Variants in ESR1 observed in about 807,000 individuals in gnomAD.
The protein encoded by ESR1 is estrogen receptor 1.
Under a neutral mutation model 52.7 loss-of-function variants are expected in ESR1, and 12 were observed. The observed-to-expected ratio is 0.23, with a 90% confidence interval of 0.15 to 0.37. The LOEUF (loss-of-function observed/expected upper bound fraction) is 0.37, where lower values mean the gene tolerates loss of function less well. Among genes scored for constraint, ESR1 ranks in the 10% least tolerant of loss-of-function variants. The pLI, the probability that ESR1 is intolerant of heterozygous loss-of-function variation, is 1.00. For synonymous variants in ESR1, 305 were observed against 316.8 expected (o/e 0.96, Z 0.39); for missense variants, 584 against 779.7 (o/e 0.75, Z 2.99).
At chr6:151,877,991 T>C (rs542601304) in intron 2 of ESR1, among the ~76,000 whole-genome samples, 1 of 152,056 alleles carries the variant, frequency 6.6e-6, no homozygotes, top group South Asian at 2.1e-4. Context: ...TAATTTTTTT[T>C]TTTTGTAGAG....
chr6:151,851,932 A>G (rs982004187), intron 2 of ESR1, among the ~76,000 whole-genome samples: 3 of 152,228 alleles, frequency 2.0e-5, no homozygotes, highest in Admixed American at 6.5e-5. Context: ...ATATTCAACT[A>G]GCTTAGATGT....
intron 2 of ESR1, among the ~76,000 whole-genome samples, chr6:151,738,520 A>G (rs1243432102): frequency 6.6e-6 from 1 of 152,104 alleles, no homozygotes; most frequent in African/African-American, 2.4e-5. Context: ...ACCCTCACCA[A>G]TGCTCGCTAT....
rs576628956 is a variant in ESR1 at position 151,964,750 on chromosome 6, T to A, written c.1096+20242T>A. On this transcript the variant is annotated intron_variant, in intron 4 of 7. Transcript: ENST00000206249. ...TCTGCCTCCTGGGTTCACACCATTC[T>A]CCTACCTCAGCCTCCCGTGTAGCTG... Among the ~76,000 whole-genome samples, 3 of 151,934 alleles carry A rather than the reference T, an allele frequency of 2.0e-5. No homozygotes were observed. In the South Asian group the frequency reaches 6.2e-4, roughly 32 times the overall value.
intron 4 of ESR1, among the ~76,000 whole-genome samples, chr6:151,956,018 C>G (rs1381641846): frequency 1.3e-5 from 2 of 152,132 alleles, no homozygotes; most frequent in Non-Finnish European, 2.9e-5. Flanking sequence ...ATAATGGTCT[C>G]CAATTCCATC....
chr6:151,907,105 G>T (rs917204380), intron 3 of ESR1, among the ~76,000 whole-genome samples: 10 of 151,714 alleles, frequency 6.6e-5, no homozygotes, highest in Non-Finnish European at 1.5e-4. Context: ...TTCTTTATTT[G>T]TCTATGTCTA....
At chr6:152,092,361 T>G (rs2050253660) in intron 6 of ESR1, among the ~76,000 whole-genome samples, 1 of 152,242 alleles carries the variant, frequency 6.6e-6, no homozygotes, top group African/African-American at 2.4e-5. Context: ...GTTGTTATTG[T>G]TACGTTAGTT....
intron 1 of ESR1, among the ~76,000 whole-genome samples, chr6:151,825,741 G>A (rs867442731): frequency 2.6e-5 from 4 of 151,768 alleles, no homozygotes; most frequent in East Asian, 1.9e-4. Context: ...GAGAAACCTC[G>A]TCTCTACCAA....
intron 6 of ESR1, among the ~76,000 whole-genome samples, chr6:152,092,126 G>A (rs746252175): frequency 7.2e-5 from 11 of 152,182 alleles, no homozygotes; most frequent in Non-Finnish European, 1.3e-4. Flanking sequence ...CCAACACCAC[G>A]GCCATGGGAG....
intron 6 of ESR1, among the ~76,000 whole-genome samples, chr6:152,064,715 A>G (rs1021844113): frequency 1.3e-5 from 2 of 151,940 alleles, no homozygotes; most frequent in Admixed American, 6.6e-5. Context: ...AACTATTTGT[A>G]TTTTTTTGGA....
chr6:151,911,080 G>C (rs539028977), intron 3 of ESR1, among the ~76,000 whole-genome samples: 1 of 152,296 alleles, frequency 6.6e-6, no homozygotes, highest in African/African-American at 2.4e-5. Flanking sequence ...AGTAATGCTC[G>C]CTCACTGCTC....
At chr6:151,656,926 G>A (rs184480609) in intron 1 of ESR1, among the ~76,000 whole-genome samples, 9 of 152,300 alleles carry the variant, frequency 5.9e-5, no homozygotes, top group Non-Finnish European at 8.8e-5. Context: ...AGACAAGGCT[G>A]TGGGATATAT....
chr6:151,843,200 C>T (rs564704562), intron 2 of ESR1, among the ~76,000 whole-genome samples: 3 of 152,304 alleles, frequency 2.0e-5, no homozygotes, highest in East Asian at 3.9e-4. Context: ...TATCTCTCTA[C>T]TCAGGCCTTG....
intron 6 of ESR1, among the ~76,000 whole-genome samples, chr6:152,082,693 C>T (rs190394920): frequency 1.1e-4 from 17 of 152,244 alleles, no homozygotes; most frequent in Non-Finnish European, 2.2e-4. Context: ...GCAGATGACA[C>T]GATTGTATAT....
rs1258934093 is a variant in ESR1, at chr6:151,980,725, A to G, written c.1097-30931A>G. 3.9e-5 allele frequency among the ~76,000 whole-genome samples: 6 copies of G among 152,280 alleles called. No homozygotes were observed. The East Asian group carries it at 9.7e-4, about 25-fold the overall frequency. The stretch of plus-strand genomic sequence containing the variant: ...CTGAAGTTTGTTTTTTCTTTTTGAG[A>G]CAGAGTCTCATTCTGTTGCCCAGGC... On this transcript the variant is annotated intron_variant, in intron 4 of 7. Transcript: ENST00000206249.
chr6:151,913,563 T>C (rs1798605579), intron 3 of ESR1, among the ~76,000 whole-genome samples: 1 of 152,234 alleles, frequency 6.6e-6, no homozygotes, highest in Non-Finnish European at 1.5e-5. Context: ...AAGCCAGTTA[T>C]TGTATTTCAT....
chr6:151,838,381 C>G (rs892234340), intron 1 of ESR1, among the ~76,000 whole-genome samples: 1 of 152,192 alleles, frequency 6.6e-6, no homozygotes, highest in Admixed American at 6.5e-5. Context: ...GGCCCATCTG[C>G]TGGGACTGAT....
At chr6:151,948,833 G>T (rs1166916091) in intron 4 of ESR1, among the ~76,000 whole-genome samples, 1 of 152,078 alleles carries the variant, frequency 6.6e-6, no homozygotes, top group Non-Finnish European at 1.5e-5. Context: ...AGGGCTCAAG[G>T]CCTCTTCTGT....
intron 4 of ESR1, among the ~76,000 whole-genome samples, chr6:151,973,918 C>A (rs780907722): frequency 6.6e-6 from 1 of 152,024 alleles, no homozygotes; most frequent in Non-Finnish European, 1.5e-5. Context: ...TTTCAGTTTT[C>A]GTCATTGATT....
In ESR1 at chr6:152,062,551, T is replaced by C. The variant is rs185753998; in HGVS notation, c.1369+1427T>C. Reference sequence around the variant, plus strand: ...AGGTTTCTGTTTCCACTCACGTGCATTGTGCTTTTCATTTCAGTCGTTTGT... The same window carrying C: ...AGGTTTCTGTTTCCACTCACGTGCACTGTGCTTTTCATTTCAGTCGTTTGT... On this transcript the variant is annotated intron_variant, in intron 6 of 7. Coordinates refer to ENST00000206249, the MANE Select transcript of ESR1 (RefSeq NM_000125.4). 5.7e-3 allele frequency among the ~76,000 whole-genome samples: 861 copies of C among 152,342 alleles called. 6 individuals carry two copies. The highest frequency in any genetic ancestry group is 0.014 in the Middle Eastern group (4 of 294).
Sources: allele counts gnomAD v4.1 joint callset (sites outside exome capture counted in the v4.1 genomes callset), GRCh38; gene constraint gnomAD v4.1.1; transcripts MANE v1.5; gene names NCBI Gene and HGNC (gene_info 2026-07-23, HGNC 2026-07-21).